Variants in ZNF704 observed in about 807,000 individuals in gnomAD.
ZNF704 encodes glucocorticoid induced gene 1.
A neutral mutation model predicts 44.7 loss-of-function variants in ZNF704; 10 were observed. The ratio of observed to expected loss-of-function variants is 0.22; its 90% CI spans 0.14 to 0.38. ZNF704 has a LOEUF of 0.38. ZNF704 is among the 10% of genes least tolerant of loss of function. ZNF704 has a pLI of 1.00. For missense variants in ZNF704, 390 were observed against 545.5 expected, an observed-to-expected ratio of 0.71 and a Z score of 2.84; for synonymous variants, 211 against 207.6, an observed-to-expected ratio of 1.02 and a Z score of -0.14.
At chr8:80,696,361 C>A (rs569165588) in intron 2 of ZNF704, among the ~76,000 whole-genome samples, 1 of 152,178 alleles carries the variant, frequency 6.6e-6, no homozygotes, top group African/African-American at 2.4e-5. Flanking sequence ...TTTAAAAATA[C>A]AGGTTGAGTA....
intron 2 of ZNF704, among the ~76,000 whole-genome samples, chr8:80,760,631 G>T (rs1204384367): frequency 2.1e-5 from 3 of 145,570 alleles, no homozygotes; most frequent in African/African-American, 7.9e-5. Context: ...ACTCCAGCCT[G>T]GTGACAGAGC....
chr8:80,883,999 C>A, the ZNF704 span, among the ~76,000 whole-genome samples: 1 of 152,138 alleles, frequency 6.6e-6, no homozygotes, highest in African/African-American at 2.4e-5. Flanking sequence ...TCTTGAAAGC[C>A]ATAAAATAGA....
intron 1 of ZNF704, among the ~76,000 whole-genome samples, chr8:80,849,845 G>A (rs927794421): frequency 6.6e-6 from 1 of 152,172 alleles, no homozygotes; most frequent in South Asian, 2.1e-4. Flanking sequence ...TTAGGGGCTA[G>A]TTTTTTACAC....
chr8:80,739,436 G>A (rs1806719749), intron 2 of ZNF704, among the ~76,000 whole-genome samples: 1 of 150,956 alleles, frequency 6.6e-6, no homozygotes, highest in Non-Finnish European at 1.5e-5. Context: ...AGAAATGGAA[G>A]CAGCCCAAAG....
chr8:80,793,884 A>G (rs77970987), intron 2 of ZNF704, among the ~76,000 whole-genome samples: 3,492 of 152,244 alleles, frequency 0.023, 156 homozygotes, highest in African/African-American at 0.081. Context: ...AGACAATGCA[A>G]TGGCCACCTT....
chr8:80,656,804 A>G (rs568375453), intron 7 of ZNF704, among the ~76,000 whole-genome samples: 2 of 152,342 alleles, frequency 1.3e-5, no homozygotes, highest in African/African-American at 4.8e-5. Flanking sequence ...AACTCTAAAC[A>G]GGGTTGACAA....
intron 2 of ZNF704, among the ~76,000 whole-genome samples, chr8:80,710,631 G>T (rs1348881932): frequency 6.6e-6 from 1 of 152,142 alleles, no homozygotes; most frequent in African/African-American, 2.4e-5. Flanking sequence ...TGTCTTATAA[G>T]AAGAAGAGAC....
At chr8:80,698,476 T>C (rs1818759460) in intron 2 of ZNF704, among the ~76,000 whole-genome samples, 1 of 152,144 alleles carries the variant, frequency 6.6e-6, no homozygotes, top group Non-Finnish European at 1.5e-5. Context: ...GGGCCTTCCA[T>C]GCTCTATAAG....
chr8:80,671,348 A>AAG (rs541238635), intron 4 of ZNF704, among the ~76,000 whole-genome samples: 9 of 152,134 alleles, frequency 5.9e-5, no homozygotes, highest in South Asian at 4.2e-4. Flanking sequence ...AGGCTGCGGC[A>AAG]ATATTTTCTA....
intron 1 of ZNF704, among the ~76,000 whole-genome samples, chr8:80,861,304 A>G (rs1301515288): frequency 6.6e-6 from 1 of 152,182 alleles, no homozygotes; most frequent in African/African-American, 2.4e-5. Context: ...ATTTTGCTGT[A>G]CTGGATTCTT....
intron 2 of ZNF704, among the ~76,000 whole-genome samples, chr8:80,720,070 G>C (rs1336721767): frequency 1.3e-5 from 2 of 152,170 alleles, no homozygotes; most frequent in Non-Finnish European, 2.9e-5. Flanking sequence ...ATTTAAATTC[G>C]AGTCTGTCTG....
At chr8:80,720,665 C>G (rs1429715922) in intron 2 of ZNF704, among the ~76,000 whole-genome samples, 1 of 152,216 alleles carries the variant, frequency 6.6e-6, no homozygotes, top group Non-Finnish European at 1.5e-5. Flanking sequence ...AGGAAACCAA[C>G]AGAAATCTCC....
intron 7 of ZNF704, among the ~76,000 whole-genome samples, chr8:80,651,351 A>C (rs906129767): frequency 2.0e-5 from 3 of 152,244 alleles, no homozygotes; most frequent in Non-Finnish European, 2.9e-5. Flanking sequence ...TAAATGCTCC[A>C]ATTAAAAGAC....
At chr8:80,866,752 A>G (rs879686906) in intron 1 of ZNF704, among the ~76,000 whole-genome samples, 12 of 152,108 alleles carry the variant, frequency 7.9e-5, no homozygotes, top group African/African-American at 2.7e-4. Flanking sequence ...TAACTGGGAC[A>G]GATTTACTAA....
intron 2 of ZNF704, among the ~76,000 whole-genome samples, chr8:80,764,167 A>C (rs1807187964): frequency 6.6e-6 from 1 of 151,040 alleles, no homozygotes; most frequent in South Asian, 2.1e-4. Flanking sequence ...GCAGTACCCC[A>C]CTCTCTGTGG....
intron 1 of ZNF704, among the ~76,000 whole-genome samples, chr8:80,827,088 A>G (rs1043661585): frequency 3.3e-5 from 5 of 152,110 alleles, no homozygotes; most frequent in East Asian, 1.9e-4. Flanking sequence ...AATCAGGCAG[A>G]AGAAAGAAAT....
At chr8:80,866,225 G>C (rs1371368952) in intron 1 of ZNF704, among the ~76,000 whole-genome samples, 1 of 152,088 alleles carries the variant, frequency 6.6e-6, no homozygotes, top group Admixed American at 6.5e-5. Context: ...AAAGGCTTTG[G>C]GCAGATCTAA....
intron 2 of ZNF704, among the ~76,000 whole-genome samples, chr8:80,731,567 T>C (rs565573770): frequency 1.3e-5 from 2 of 152,338 alleles, no homozygotes; most frequent in South Asian, 4.1e-4. Context: ...ATGAAAGATA[T>C]CTATATCATT....
rs1376059821 is a variant in ZNF704, at chr8:80,629,860, A to T, written c.*11506T>A. 6.6e-6 allele frequency: 1 copy of T among 152,204 alleles called. No individual in the cohort carries two copies. Among genetic ancestry groups the T allele is most frequent in the Non-Finnish European group, 1.5e-5 (1 of 68,032 alleles). 9.4% of individuals were successfully genotyped at this position (152,204 alleles called of 1,614,324 possible). A position where few individuals can be genotyped will look rare whatever the true frequency, so the allele number is the denominator to read the frequency against. ...CTTCATGCAGTTTTGTTTGCTTGTTAATCCAGTGTTACTAGAACATCCACC... is the reference window on the plus strand; with the variant it reads ...CTTCATGCAGTTTTGTTTGCTTGTTTATCCAGTGTTACTAGAACATCCACC... On this transcript the variant is annotated 3_prime_UTR_variant, in exon 9 of 9. Transcript: ENST00000327835.
Sources: allele counts gnomAD v4.1 joint callset (sites outside exome capture counted in the v4.1 genomes callset), GRCh38; gene constraint gnomAD v4.1.1; transcripts MANE v1.5; gene names NCBI Gene and HGNC (gene_info 2026-07-23, HGNC 2026-07-21).